PHACTR1: variants seen among roughly 807,000 people sequenced by gnomAD.
PHACTR1 encodes the protein RPEL repeat containing 1.
PHACTR1 carries 16 observed loss-of-function variants against 69.2 expected under a neutral mutation model. That is an observed-to-expected ratio of 0.23 (90% confidence interval 0.16 to 0.35). The LOEUF is 0.35. Among genes scored for constraint, PHACTR1 ranks in the 10% least tolerant of loss-of-function variants. PHACTR1 has a pLI of 1.00. For missense variants in PHACTR1, 510 were observed against 734.7 expected, an observed-to-expected ratio of 0.69 and a Z score of 3.54; for synonymous variants, 312 against 284.5, an observed-to-expected ratio of 1.10 and a Z score of -0.97.
intron 4 of PHACTR1, among the ~76,000 whole-genome samples, chr6:12,777,874 C>G (rs1770295025): frequency 6.6e-6 from 1 of 152,120 alleles, no homozygotes; most frequent in Admixed American, 6.5e-5. Flanking sequence ...TCAGGTGATC[C>G]ACCTGCCTTG....
chr6:12,857,122 G>A (rs1245476511), intron 4 of PHACTR1, among the ~76,000 whole-genome samples: 1 of 152,174 alleles, frequency 6.6e-6, no homozygotes, highest in Non-Finnish European at 1.5e-5. Context: ...CTCTGTGTAT[G>A]TAGTAAATCA....
At chr6:12,958,013 C>A (rs1003941381) in intron 4 of PHACTR1, 1 of 985,292 alleles carries the variant, frequency 1.0e-6, no homozygotes, top group African/African-American at 1.7e-5. Flanking sequence ...CATGTGGGAG[C>A]AAAGAGCTTT....
Position 12,765,442 on chromosome 6 carries a change from A to G in PHACTR1, c.250+15652A>G, listed in dbSNP as rs576036097. Among the ~76,000 whole-genome samples the G allele has an allele frequency of 9.8e-5, 15 of 152,346 alleles. No individual in the cohort carries two copies. The South Asian group carries it at 3.1e-3, about 32-fold the overall frequency. Reference sequence around the variant, plus strand: ...GGCCTGTAATAGATGCTCAAAGGTTATTTGTTGAATGAAGGAATGCATGAG... The same window carrying G: ...GGCCTGTAATAGATGCTCAAAGGTTGTTTGTTGAATGAAGGAATGCATGAG... On this transcript the variant is annotated intron_variant, in intron 4 of 14. Coordinates refer to ENST00000332995, the MANE Select transcript of PHACTR1 (RefSeq NM_030948.6).
intron 10 of PHACTR1, among the ~76,000 whole-genome samples, chr6:13,254,471 C>A (rs1774911868): frequency 6.6e-6 from 1 of 152,330 alleles, no homozygotes; most frequent in East Asian, 1.9e-4. Context: ...TTATCTGTCA[C>A]TGTTGATCAC....
In PHACTR1 at chr6:12,983,440, A is replaced by G. The variant is rs1203752992; in HGVS notation, c.251-69925A>G. Among the ~76,000 whole-genome samples the G allele has an allele frequency of 7.9e-5, 12 of 152,346 alleles. No individual in the cohort carries two copies. The South Asian group carries it at 1.7e-3, about 21-fold the overall frequency. On this transcript the variant is annotated intron_variant, in intron 4 of 14. Transcript: ENST00000332995. ...CAAAAATAATTACAAAAGTAAAACC[A>G]AAGAGTCTTGAAGGTACATGGTGAG... is the stretch of plus-strand genomic sequence containing the variant.
intron 4 of PHACTR1, among the ~76,000 whole-genome samples, chr6:12,763,647 C>A (rs1768284293): frequency 6.6e-6 from 1 of 152,196 alleles, no homozygotes; most frequent in African/African-American, 2.4e-5. Context: ...TCAGGCATAA[C>A]TTTAGTTCTC....
intron 5 of PHACTR1, among the ~76,000 whole-genome samples, chr6:13,136,471 A>G (rs967288599): frequency 4.6e-5 from 7 of 152,168 alleles, no homozygotes; most frequent in African/African-American, 1.4e-4. Flanking sequence ...GCTGGGTTTG[A>G]TCTTCTATCC....
intron 4 of PHACTR1, among the ~76,000 whole-genome samples, chr6:12,765,114 C>T (rs1768452498): frequency 6.6e-6 from 1 of 152,108 alleles, no homozygotes; most frequent in Non-Finnish European, 1.5e-5. Context: ...TTTATAAGCA[C>T]CTTTCAAACA....
chr6:12,913,016 T>A lies in PHACTR1; in HGVS notation c.251-140349T>A, dbSNP rs1164003090. 5.3e-5 allele frequency among the ~76,000 whole-genome samples: 8 copies of A among 152,290 alleles called. No homozygotes were observed. The East Asian group carries it at 1.2e-3, about 22-fold the overall frequency. On this transcript the variant is annotated intron_variant, in intron 4 of 14. Coordinates refer to ENST00000332995, the MANE Select transcript of PHACTR1 (RefSeq NM_030948.6). Reference sequence around the variant, plus strand: ...CATAAATATATTTTGTAGGAGGGATTTGTCATGCCTGAAAAAGCTTCATAC... The same window carrying A: ...CATAAATATATTTTGTAGGAGGGATATGTCATGCCTGAAAAAGCTTCATAC...
chr6:12,973,975 G>C (rs1794555504), intron 4 of PHACTR1, among the ~76,000 whole-genome samples: 2 of 136,510 alleles, frequency 1.5e-5, no homozygotes, highest in Admixed American at 1.6e-4. Flanking sequence ...AGGCTGGAGT[G>C]CAGTGGCACG....
Position 12,943,673 on chromosome 6 carries a change from CCTT to C in PHACTR1, c.251-109688_251-109686del, listed in dbSNP as rs565260095. 5.9e-3 allele frequency among the ~76,000 whole-genome samples: 905 copies of C among 152,272 alleles called. 4 individuals are homozygous for C. The highest frequency in any genetic ancestry group is 0.01 in the Non-Finnish European group (699 of 68,016). ...GATGATGAAATTAAAATGCACGTGT[CCTT>C]CTTGCTTTTATATGAATGGGAAGGT... is the stretch of plus-strand genomic sequence containing the variant. On this transcript the variant is annotated intron_variant, in intron 4 of 14. Coordinates refer to ENST00000332995, the MANE Select transcript of PHACTR1 (RefSeq NM_030948.6).
At chr6:13,193,924 C>G (rs1271230811) in intron 7 of PHACTR1, among the ~76,000 whole-genome samples, 1 of 152,102 alleles carries the variant, frequency 6.6e-6, no homozygotes, top group Non-Finnish European at 1.5e-5. Flanking sequence ...GCACAGTGAT[C>G]AATTGAAGGG....
At chr6:13,149,763 A>T (rs1353234926) in intron 5 of PHACTR1, among the ~76,000 whole-genome samples, 1 of 152,022 alleles carries the variant, frequency 6.6e-6, no homozygotes, top group Admixed American at 6.5e-5. Context: ...GCAGCCCAAG[A>T]CAGCTTTGAA....
chr6:13,103,622 T>C (rs1463330687), intron 5 of PHACTR1, among the ~76,000 whole-genome samples: 2 of 152,224 alleles, frequency 1.3e-5, no homozygotes, highest in East Asian at 1.9e-4. Context: ...ACTTTTAAAT[T>C]TGAACTAATT....
At chr6:12,989,120 T>C (rs77619825) in intron 4 of PHACTR1, among the ~76,000 whole-genome samples, 5,586 of 152,326 alleles carry the variant, frequency 0.037, 130 homozygotes, top group Middle Eastern at 0.078. Flanking sequence ...CTATACATGG[T>C]AATTAGTAAT....
At chr6:13,025,231 G>C (rs1288766069) in intron 4 of PHACTR1, among the ~76,000 whole-genome samples, 1 of 151,956 alleles carries the variant, frequency 6.6e-6, no homozygotes, top group Non-Finnish European at 1.5e-5. Flanking sequence ...CTCTAGCCTG[G>C]GTGACAGAGC....
At chr6:13,148,112 A>G (rs750547653) in intron 5 of PHACTR1, among the ~76,000 whole-genome samples, 4 of 119,718 alleles carry the variant, frequency 3.3e-5, no homozygotes, top group Non-Finnish European at 5.4e-5. Context: ...ACCATAGTAT[A>G]TGTGTTCTTT....
intron 5 of PHACTR1, among the ~76,000 whole-genome samples, chr6:13,082,284 C>T (rs1811520312): frequency 6.6e-6 from 1 of 152,176 alleles, no homozygotes; most frequent in East Asian, 1.9e-4. Context: ...TTAAAGTCAA[C>T]ACACTGGAGA....
At chr6:13,076,941 C>A (rs1317178007) in intron 5 of PHACTR1, among the ~76,000 whole-genome samples, 1 of 85,902 alleles carries the variant, frequency 1.2e-5, no homozygotes, top group Non-Finnish European at 2.2e-5. Context: ...CTGGGGACTG[C>A]GGTGGGGTGG....
Sources: allele counts gnomAD v4.1 joint callset (sites outside exome capture counted in the v4.1 genomes callset), GRCh38; gene constraint gnomAD v4.1.1; transcripts MANE v1.5; gene names NCBI Gene and HGNC (gene_info 2026-07-23, HGNC 2026-07-21).